Variants in RBFOX1 observed in about 807,000 individuals in gnomAD.
RBFOX1 encodes the protein RNA binding protein fox-1 homolog 1.
RBFOX1 carries 8 observed loss-of-function variants against 57.7 expected under a neutral mutation model. The ratio of observed to expected loss-of-function variants is 0.14; its 90% CI spans 0.08 to 0.25. RBFOX1 has a LOEUF of 0.25. Ranked by LOEUF, RBFOX1 falls within the 10% of genes least tolerant of loss-of-function variation. RBFOX1 has a pLI of 1.00. For missense variants in RBFOX1, 611 were observed against 548.5 expected (o/e 1.11, Z -1.14); for synonymous variants, 326 against 222.4 (o/e 1.47, Z -4.15).
chr16:6,229,492 A>T (rs891003759), intron 1 of RBFOX1, among the ~76,000 whole-genome samples: 3 of 152,200 alleles, frequency 2.0e-5, no homozygotes, highest in African/African-American at 7.2e-5. Context: ...GTTTGTGAGC[A>T]TTAAGTGACG....
intron 3 of RBFOX1, among the ~76,000 whole-genome samples, chr16:6,918,673 G>A (rs569478917): frequency 6.6e-6 from 1 of 152,060 alleles, no homozygotes; most frequent in East Asian, 1.9e-4. Context: ...CTACCCAATG[G>A]GCATATCTCT....
intron 3 of RBFOX1, among the ~76,000 whole-genome samples, chr16:6,833,824 T>C (rs1240041430): frequency 6.6e-6 from 1 of 152,000 alleles, no homozygotes; most frequent in Non-Finnish European, 1.5e-5. Context: ...AGGAATTAGA[T>C]AGGAAGAGAG....
chr16:5,425,526 T>C (rs2067532745), intron 1 of RBFOX1, among the ~76,000 whole-genome samples: 1 of 152,166 alleles, frequency 6.6e-6, no homozygotes, highest in Middle Eastern at 3.2e-3. Context: ...CCAGAGATGC[T>C]ATTTACCAAA....
chr16:5,994,348 G>C (rs888305344), intron 4 of RBFOX1, among the ~76,000 whole-genome samples: 2 of 152,156 alleles, frequency 1.3e-5, no homozygotes, highest in African/African-American at 4.8e-5. Flanking sequence ...TTTTAGTAGA[G>C]ACTGGGTTTC....
chr16:7,205,735 C>G (rs748585925), intron 4 of RBFOX1, among the ~76,000 whole-genome samples: 1 of 152,124 alleles, frequency 6.6e-6, no homozygotes, highest in African/African-American at 2.4e-5. Context: ...AGAAAGAAAA[C>G]GAAGTCCCTG....
At chr16:7,319,567 T>C (rs966509873) in intron 4 of RBFOX1, among the ~76,000 whole-genome samples, 1 of 152,148 alleles carries the variant, frequency 6.6e-6, no homozygotes, top group Middle Eastern at 3.2e-3. Context: ...TGGAAGGATA[T>C]TTTGGAATTC....
chr16:7,660,359 G>A lies in RBFOX1; in HGVS notation c.891-4570G>A, dbSNP rs188233332. 5.9e-5 allele frequency among the ~76,000 whole-genome samples: 9 copies of A among 152,226 alleles called. No homozygotes were observed. The South Asian group carries it at 8.3e-4, about 14-fold the overall frequency. The stretch of plus-strand genomic sequence containing the variant: ...CATCTCTGCATTGAAATATGACTGC[G>A]CCTGTTTAGTGCGCAATGGTAACTC... On this transcript the variant is annotated intron_variant, in intron 12 of 15. Transcript: ENST00000550418.
At chr16:6,710,884 A>C (rs2063595534) in intron 3 of RBFOX1, among the ~76,000 whole-genome samples, 1 of 152,228 alleles carries the variant, frequency 6.6e-6, no homozygotes, top group Admixed American at 6.5e-5. Flanking sequence ...CATTTGTGCC[A>C]AGTGTCTGAG....
intron 3 of RBFOX1, among the ~76,000 whole-genome samples, chr16:6,742,441 G>C (rs1427505673): frequency 1.3e-5 from 2 of 152,246 alleles, no homozygotes; most frequent in East Asian, 3.9e-4. Flanking sequence ...AAAATAAATA[G>C]ACATTTACCA....
At chr16:7,361,778 G>A (rs72769301) in intron 4 of RBFOX1, among the ~76,000 whole-genome samples, 1,612 of 152,286 alleles carry the variant, frequency 0.011, 15 homozygotes, top group Middle Eastern at 0.031. Context: ...GGGGCAAACC[G>A]TGTGTATGTT....
intron 4 of RBFOX1, among the ~76,000 whole-genome samples, chr16:7,122,320 A>G (rs1567342697): frequency 6.6e-6 from 1 of 152,146 alleles, no homozygotes; most frequent in Non-Finnish European, 1.5e-5. Context: ...CAAACAAACT[A>G]TCTTAATAAT....
intron 1 of RBFOX1, among the ~76,000 whole-genome samples, chr16:6,120,098 T>C (rs938718030): frequency 6.6e-6 from 1 of 152,186 alleles, no homozygotes; most frequent in Non-Finnish European, 1.5e-5. Context: ...AGTTGAGCCA[T>C]GTGGTAGCAC....
chr16:6,227,012 T>G (rs2097423257), intron 1 of RBFOX1, among the ~76,000 whole-genome samples: 1 of 150,386 alleles, frequency 6.6e-6, no homozygotes, highest in Non-Finnish European at 1.5e-5. Context: ...TAATGCCAGC[T>G]ACTTGGGAGG....
At chr16:6,903,100 C>T (rs772375917) in intron 3 of RBFOX1, among the ~76,000 whole-genome samples, 17 of 152,140 alleles carry the variant, frequency 1.1e-4, no homozygotes, top group East Asian at 1.9e-4. Context: ...TCAAGGGAAA[C>T]TTCTTGGAGG....
intron 2 of RBFOX1, among the ~76,000 whole-genome samples, chr16:6,570,752 G>T (rs780514385): frequency 1.3e-5 from 2 of 152,158 alleles, no homozygotes; most frequent in Non-Finnish European, 2.9e-5. Context: ...TATGTGCCAT[G>T]TGGCATTTGT....
intron 4 of RBFOX1, among the ~76,000 whole-genome samples, chr16:5,995,046 C>A (rs138322575): frequency 6.6e-6 from 1 of 152,310 alleles, no homozygotes; most frequent in Non-Finnish European, 1.5e-5. Flanking sequence ...TACAACCATG[C>A]ATTGATCTTA....
chr16:5,557,302 T>A (rs530542965), intron 2 of RBFOX1, among the ~76,000 whole-genome samples: 64 of 144,496 alleles, frequency 4.4e-4, no homozygotes, highest in African/African-American at 1.4e-3. Context: ...AATAAATAAA[T>A]AAAAATTTCT....
At chr16:5,686,474 C>G (rs1376076708) in intron 3 of RBFOX1, among the ~76,000 whole-genome samples, 1 of 152,124 alleles carries the variant, frequency 6.6e-6, no homozygotes, top group Non-Finnish European at 1.5e-5. Context: ...GTGAAGGTAG[C>G]TGTTTCCTGT....
At chr16:7,263,932 AAAAAC>A (rs1195791212) in intron 4 of RBFOX1, among the ~76,000 whole-genome samples, 3 of 151,208 alleles carry the variant, frequency 2.0e-5, no homozygotes, top group Non-Finnish European at 4.4e-5. Context: ...AAAAAAAAAA[AAAAAC>A]AAGTAGAAGG....
Sources: gnomAD v4.1 joint callset for allele counts (sites outside exome capture counted in the v4.1 genomes callset) on GRCh38, gnomAD v4.1.1 for gene constraint, MANE v1.5 for transcripts, NCBI Gene and HGNC (gene_info 2026-07-23, HGNC 2026-07-21) for gene names.